Variants in HOMER1 observed in about 807,000 individuals in gnomAD.
HOMER1 encodes the protein homer scaffold protein 1, also known as homer protein homolog 1.
In HOMER1, 3 loss-of-function variants were observed where a neutral mutation model predicts 48.9. The observed-to-expected ratio is 0.06, with a 90% CI of 0.03 to 0.16. The LOEUF (loss-of-function observed/expected upper bound fraction) is 0.16, where lower values mean the gene tolerates loss of function less well. HOMER1 is among the 10% of genes least tolerant of loss of function. The pLI is 1.00. For missense variants in HOMER1, 247 were observed against 411.4 expected (o/e 0.60, Z 3.46); for synonymous variants, 134 against 146.4 (o/e 0.92, Z 0.61).
chr5:79,395,065 A>T (rs1347433293), intron 8 of HOMER1, among the ~76,000 whole-genome samples: 1 of 152,222 alleles, frequency 6.6e-6, no homozygotes, highest in African/African-American at 2.4e-5. Context: ...GAATAAAATA[A>T]ATCTAGGCCT....
In HOMER1 at chr5:79,375,900, T is replaced by C. The variant is rs532147088; in HGVS notation, c.*109A>G. The C allele has an allele frequency of 2.6e-5, 15 of 570,278 alleles. No homozygotes were observed. In the African/African-American group the frequency reaches 2.8e-4, roughly 11 times the overall value. 35.3% of individuals were successfully genotyped at this position (570,278 alleles called of 1,614,324 possible). A position where few individuals can be genotyped will look rare whatever the true frequency, so the allele number is the denominator to read the frequency against. ...AGATCCTCCTCCTGGAGGAGTGATA[T>C]TCAATTTTTTTTTTTTTTTTTTTGT... On this transcript the variant is annotated 3_prime_UTR_variant, in exon 9 of 9. Transcript: ENST00000334082.
chr5:79,440,030 A>C (rs923816652), intron 4 of HOMER1, among the ~76,000 whole-genome samples: 3 of 152,068 alleles, frequency 2.0e-5, no homozygotes, highest in Non-Finnish European at 2.9e-5. Context: ...ACCTCTTATG[A>C]TCCCTGGGCA....
chr5:79,467,391 CAAAAAAAAAAA>C lies in HOMER1; in HGVS notation c.6-10384_6-10374del, dbSNP rs71767032. On this transcript the variant is annotated intron_variant, in intron 1 of 8. Coordinates refer to ENST00000334082, the MANE Select transcript of HOMER1 (RefSeq NM_004272.5). ...GCGCAACAAGAGTGAAACTCCATCT[CAAAAAAAAAAA>C]AAAAAAAAAAACTAATGAAATGCTA... Among the ~76,000 whole-genome samples the C allele has an allele frequency of 5.8e-4, 30 of 51,646 alleles. No individual in the cohort carries two copies. In the East Asian group the frequency reaches 0.016, roughly 27 times the overall value. The allele number at this position is 51,646 out of a possible 152,430, so 33.9% of individuals were successfully genotyped here.
At chr5:79,470,154 T>A (rs780702005) in intron 1 of HOMER1, among the ~76,000 whole-genome samples, 38 of 152,302 alleles carry the variant, frequency 2.5e-4, no homozygotes, top group Admixed American at 3.3e-4. Flanking sequence ...AGAGAGGGAA[T>A]CCTATAGATA....
At chr5:79,427,207 T>C (rs116702607) in intron 5 of HOMER1, among the ~76,000 whole-genome samples, 326 of 152,332 alleles carry the variant, frequency 2.1e-3, no homozygotes, top group Admixed American at 4.4e-3. Flanking sequence ...CCGACATTTA[T>C]ATAATGCAAT....
intron 5 of HOMER1, among the ~76,000 whole-genome samples, chr5:79,414,263 T>A (rs1284084247): frequency 1.8e-5 from 2 of 109,724 alleles, no homozygotes; most frequent in African/African-American, 1.2e-4. Flanking sequence ...GCTTTTGTTT[T>A]TGTTTTTTTT....
intron 3 of HOMER1, among the ~76,000 whole-genome samples, chr5:79,448,759 C>G (rs1750953051): frequency 6.6e-6 from 1 of 152,004 alleles, no homozygotes; most frequent in Admixed American, 6.6e-5. Context: ...TACAAGGTAG[C>G]CTGAAAAATA....
intron 5 of HOMER1, among the ~76,000 whole-genome samples, chr5:79,435,987 G>A (rs1370842125): frequency 5.7e-4 from 85 of 148,730 alleles, no homozygotes; most frequent in African/African-American, 2.0e-3. Flanking sequence ...TTAGCCGGGC[G>A]CGGTGGCGGG....
chr5:79,478,659 A>G (rs567374561), intron 1 of HOMER1, among the ~76,000 whole-genome samples: 5 of 151,422 alleles, frequency 3.3e-5, no homozygotes, highest in African/African-American at 1.2e-4. Context: ...ATCTCTCAAA[A>G]ATCAACCATA....
intron 8 of HOMER1, among the ~76,000 whole-genome samples, chr5:79,379,200 A>C (rs190887316): frequency 0.02 from 2,020 of 98,542 alleles, 53 homozygotes; most frequent in East Asian, 0.077. Flanking sequence ...TCTATAATAT[A>C]TATTATATAT....
intron 5 of HOMER1, among the ~76,000 whole-genome samples, chr5:79,414,311 T>C (rs1278522599): frequency 6.6e-6 from 1 of 151,610 alleles, no homozygotes; most frequent in Non-Finnish European, 1.5e-5. Context: ...TCCAGGCTGG[T>C]CTCAAACTCC....
At chr5:79,380,891 G>A (rs566939966) in intron 8 of HOMER1, among the ~76,000 whole-genome samples, 15 of 152,184 alleles carry the variant, frequency 9.9e-5, no homozygotes, top group African/African-American at 2.4e-4. Context: ...GCCCTTTGCC[G>A]CCACTGCCAA....
At chr5:79,394,797 T>A (rs998796674) in intron 8 of HOMER1, among the ~76,000 whole-genome samples, 1 of 152,206 alleles carries the variant, frequency 6.6e-6, no homozygotes, top group Non-Finnish European at 1.5e-5. Flanking sequence ...CTTGAACTCC[T>A]GGCCTCAAGA....
At chr5:79,406,973 T>C (rs1749676472) in intron 5 of HOMER1, among the ~76,000 whole-genome samples, 1 of 152,188 alleles carries the variant, frequency 6.6e-6, no homozygotes, top group Non-Finnish European at 1.5e-5. Context: ...TATAGCAGCC[T>C]TCCACTGCAG....
At chr5:79,457,779 T>A (rs981251920) in intron 1 of HOMER1, among the ~76,000 whole-genome samples, 1 of 152,172 alleles carries the variant, frequency 6.6e-6, no homozygotes, top group Non-Finnish European at 1.5e-5. Context: ...AGAGCAATGG[T>A]TCAGTACAGT....
Position 79,512,755 on chromosome 5 carries a change from C to A in HOMER1, c.5+15G>T. On this transcript the variant is annotated intron_variant, in intron 1 of 8. Transcript: ENST00000334082. ...TAAACAGATTCGAAGCTGTGTTAAG[C>A]ACAAAAATCCTTACCCCATTTTGCC... The A allele has an allele frequency of 6.2e-7, 1 of 1,612,860 alleles. No homozygotes were observed.
At chr5:79,437,854 A>C (rs1028977771) in intron 5 of HOMER1, among the ~76,000 whole-genome samples, 6 of 152,162 alleles carry the variant, frequency 3.9e-5, no homozygotes, top group Admixed American at 2.6e-4. Context: ...CAGGGGTCTC[A>C]CTATGTTGCC....
At chr5:79,376,473 A>G (rs1307836995) in intron 8 of HOMER1, among the ~76,000 whole-genome samples, 1 of 152,202 alleles carries the variant, frequency 6.6e-6, no homozygotes, top group African/African-American at 2.4e-5. Context: ...TAGGTACTTC[A>G]AATACCAAGA....
At chr5:79,444,112 T>C (rs547244192) in intron 4 of HOMER1, among the ~76,000 whole-genome samples, 22 of 152,210 alleles carry the variant, frequency 1.4e-4, no homozygotes, top group Non-Finnish European at 2.6e-4. Context: ...TTTTGCTAAA[T>C]TCCAGAGTTA....
Sources: allele counts gnomAD v4.1 joint callset (sites outside exome capture counted in the v4.1 genomes callset), GRCh38; gene constraint gnomAD v4.1.1; transcripts MANE v1.5; gene names NCBI Gene and HGNC (gene_info 2026-07-23, HGNC 2026-07-21).